The following LUC7L2 variants were observed in gnomAD, a reference collection of about 807,000 sequenced individuals.
LUC7L2 encodes the protein LUC7 like 2, pre-mRNA splicing factor.
In LUC7L2, 25 loss-of-function variants were observed where a neutral mutation model predicts 52.8. That is an observed-to-expected ratio of 0.47 (90% confidence interval 0.34 to 0.66). The LOEUF (loss-of-function observed/expected upper bound fraction) is 0.66. LUC7L2 is among the 30% of genes least tolerant of loss of function. LUC7L2 has a pLI of 0.01. For synonymous variants in LUC7L2, 144 were observed against 160.9 expected (o/e 0.89, Z 0.80); for missense variants, 328 against 497.8 (o/e 0.66, Z 3.25).
At chr7:139,408,410 A>G (rs1051387908) in intron 6 of LUC7L2, among the ~76,000 whole-genome samples, 1 of 152,202 alleles carries the variant, frequency 6.6e-6, no homozygotes, top group African/African-American at 2.4e-5. Flanking sequence ...GAAGTGACCT[A>G]AATATTTCCA....
At chr7:139,360,430 C>A in intron 1 of LUC7L2, 108 bp downstream of exon 1, 1 of 1,020,006 alleles carries the variant, frequency 9.8e-7, no homozygotes, top group Non-Finnish European at 1.4e-6. Context: ...TAAGGGGCTC[C>A]CAGATTGGTA....
chr7:139,398,050 T>TA (rs1794736585), intron 2 of LUC7L2, among the ~76,000 whole-genome samples: 1 of 152,208 alleles, frequency 6.6e-6, no homozygotes, highest in Admixed American at 6.5e-5. Flanking sequence ...AGACAGGTGT[T>TA]AGTGTGTTGC....
At chr7:139,389,276 A>G (rs1794327994) in intron 2 of LUC7L2, among the ~76,000 whole-genome samples, 1 of 152,096 alleles carries the variant, frequency 6.6e-6, no homozygotes, top group African/African-American at 2.4e-5. Flanking sequence ...TTCTTTGCCT[A>G]CAGAATAAAT....
chr7:139,340,722 G>A, intron 1 of LUC7L2: 1 of 387,204 alleles, frequency 2.6e-6, no homozygotes, highest in Non-Finnish European at 4.6e-6. Context: ...TAATGGATAA[G>A]GCATTGGCCT....
intron 2 of LUC7L2, among the ~76,000 whole-genome samples, chr7:139,391,325 C>T (rs975034439): frequency 1.3e-5 from 2 of 152,058 alleles, no homozygotes; most frequent in Non-Finnish European, 2.9e-5. Flanking sequence ...TAATTTTGTT[C>T]AGGATCTGGT....
intron 2 of LUC7L2, among the ~76,000 whole-genome samples, chr7:139,397,120 T>G (rs1276286675): frequency 6.6e-6 from 1 of 152,220 alleles, no homozygotes; most frequent in African/African-American, 2.4e-5. Flanking sequence ...TGTGCCATAC[T>G]CTATTCCTGT....
At chr7:139,376,601 G>A (rs1234690865) in intron 2 of LUC7L2, among the ~76,000 whole-genome samples, 1 of 152,140 alleles carries the variant, frequency 6.6e-6, no homozygotes, top group Non-Finnish European at 1.5e-5. Flanking sequence ...TAATTTGGGA[G>A]TATTGTCACT....
At chr7:139,410,985 C>A (rs1290591324) in intron 7 of LUC7L2, among the ~76,000 whole-genome samples, 1 of 152,146 alleles carries the variant, frequency 6.6e-6, no homozygotes, top group Non-Finnish European at 1.5e-5. Flanking sequence ...AAGTTTACCT[C>A]AGAGCTTTTA....
intron 1 of LUC7L2, among the ~76,000 whole-genome samples, chr7:139,368,717 G>A (rs1003899016): frequency 4.2e-5 from 6 of 144,118 alleles, no homozygotes; most frequent in Non-Finnish European, 8.9e-5. Context: ...CAGCCTGGGC[G>A]ACAGAGTGAG....
At chr7:139,363,925 T>C (rs1292597992) in intron 1 of LUC7L2, among the ~76,000 whole-genome samples, 1 of 150,762 alleles carries the variant, frequency 6.6e-6, no homozygotes, top group Non-Finnish European at 1.5e-5. Context: ...TCTGGGAAGA[T>C]GCAAGCAATA....
intron 1 of LUC7L2, chr7:139,344,848 A>C (rs1038885876): frequency 1.4e-5 from 2 of 146,182 alleles, no homozygotes; most frequent in Admixed American, 1.4e-4. Flanking sequence ...TACTACAGGC[A>C]CCCGCCACCA....
At chr7:139,412,660 C>G (rs1360521200) in intron 8 of LUC7L2, 80 bp downstream of exon 8, 2 of 1,503,128 alleles carry the variant, frequency 1.3e-6, no homozygotes, top group African/African-American at 2.9e-5. Context: ...ATTAAATGGT[C>G]CTTTAAAAAT....
intron 1 of LUC7L2, among the ~76,000 whole-genome samples, chr7:139,348,729 AT>A (rs202246981): frequency 2.7e-4 from 41 of 151,744 alleles, no homozygotes; most frequent in East Asian, 5.8e-4. Context: ...AAAAAAAAAA[AT>A]ATTTATATTA....
intron 9 of LUC7L2, among the ~76,000 whole-genome samples, chr7:139,418,580 A>G (rs1214076222): frequency 1.3e-5 from 2 of 152,220 alleles, no homozygotes; most frequent in Admixed American, 6.5e-5. Flanking sequence ...AATAAAATCC[A>G]CAGAAAGCTG....
intron 2 of LUC7L2, among the ~76,000 whole-genome samples, chr7:139,391,969 C>T (rs1373148797): frequency 6.6e-6 from 1 of 152,108 alleles, no homozygotes; most frequent in Admixed American, 6.6e-5. Flanking sequence ...TCAAACAACC[C>T]TCATAGTAAT....
rs1795957150 is a variant in LUC7L2, at chr7:139,422,782, G to A, written c.*442G>A. On this transcript the variant is annotated 3_prime_UTR_variant, in exon 10 of 10. Transcript: ENST00000354926. The stretch of plus-strand genomic sequence containing the variant: ...CCAATTGTAAGAGAAAGGGGGCAGG[G>A]AAGCAATATAGCTTCCATTCTAAGG... 1 of 399,852 alleles carries A rather than the reference G, an allele frequency of 2.5e-6. No individual in the cohort carries two copies. The highest frequency in any genetic ancestry group is 3.6e-5 in the East Asian group (1 of 28,074). 24.8% of individuals were successfully genotyped at this position (399,852 alleles called of 1,614,324 possible).
intron 2 of LUC7L2, among the ~76,000 whole-genome samples, chr7:139,383,168 T>C (rs1801127239): frequency 6.6e-6 from 1 of 152,132 alleles, no homozygotes; most frequent in Non-Finnish European, 1.5e-5. Flanking sequence ...CAGGATGGAG[T>C]GCAGTGGCAC....
chr7:139,397,868 G>C (rs765584229), intron 2 of LUC7L2, among the ~76,000 whole-genome samples: 2 of 152,130 alleles, frequency 1.3e-5, no homozygotes, highest in Non-Finnish European at 2.9e-5. Flanking sequence ...CCTGATACAT[G>C]CTTATTATAA....
In LUC7L2 at chr7:139,422,380, G is replaced by A. The variant is rs1795944955; in HGVS notation, c.*40G>A. 6.3e-7 allele frequency: 1 copy of A among 1,575,156 alleles called. No individual in the cohort carries two copies. Among genetic ancestry groups the A allele is most frequent in the Non-Finnish European group, 8.6e-7 (1 of 1,163,312 alleles). ...TTCTTCAGTCCTTAAGCTTCCTACG[G>A]AGTTACGTACTATTGTTTAGTTCAC... On this transcript the variant is annotated 3_prime_UTR_variant, in exon 10 of 10. Coordinates refer to ENST00000354926, the MANE Select transcript of LUC7L2 (RefSeq NM_016019.5).
Sources: gnomAD v4.1 joint callset for allele counts (sites outside exome capture counted in the v4.1 genomes callset) on GRCh38, gnomAD v4.1.1 for gene constraint, MANE v1.5 for transcripts, NCBI Gene and HGNC (gene_info 2026-07-23, HGNC 2026-07-21) for gene names.